The following FAM168A variants were observed in gnomAD, a reference collection of about 807,000 sequenced individuals.
The protein encoded by FAM168A is family with sequence similarity 168 member A, also known as protein FAM168A.
FAM168A carries 3 observed loss-of-function variants against 28.5 expected under a neutral mutation model. The observed-to-expected ratio is 0.11, with a 90% CI of 0.05 to 0.27. The LOEUF is 0.27. FAM168A is among the 10% of genes least tolerant of loss of function. FAM168A has a pLI of 1.00. For synonymous variants in FAM168A, 122 were observed against 124.2 expected, an observed-to-expected ratio of 0.98 and a Z score of 0.12; for missense variants, 222 against 311.5, an observed-to-expected ratio of 0.71 and a Z score of 2.16.
intron 1 of FAM168A, among the ~76,000 whole-genome samples, chr11:73,583,597 A>C (rs2134738293): frequency 6.6e-6 from 1 of 152,294 alleles, no homozygotes; most frequent in South Asian, 2.1e-4. Context: ...ATCACGGAAA[A>C]CCTTCTGGAA....
At chr11:73,461,953 G>A (rs905407687) in intron 2 of FAM168A, among the ~76,000 whole-genome samples, 2 of 152,196 alleles carry the variant, frequency 1.3e-5, no homozygotes, top group Non-Finnish European at 1.5e-5. Context: ...TAAAGAGAGA[G>A]AGAGAGAGAA....
chr11:73,537,564 T>C (rs1943597854), intron 1 of FAM168A, among the ~76,000 whole-genome samples: 1 of 152,144 alleles, frequency 6.6e-6, no homozygotes, highest in South Asian at 2.1e-4. Flanking sequence ...GCAATTCTCA[T>C]ACTTACAAAC....
chr11:73,572,259 GT>G (rs1357926401), intron 1 of FAM168A, among the ~76,000 whole-genome samples: 1 of 149,068 alleles, frequency 6.7e-6, no homozygotes, highest in East Asian at 2.0e-4. Context: ...GAGGTGGGGG[GT>G]CAGCCCCCGC....
At chr11:73,496,287 G>A (rs779793631) in intron 1 of FAM168A, among the ~76,000 whole-genome samples, 55 of 152,342 alleles carry the variant, frequency 3.6e-4, no homozygotes, top group Non-Finnish European at 7.2e-4. Flanking sequence ...GAAACAGAAA[G>A]TAAAATGGTG....
At chr11:73,463,473 G>A (rs920671918) in intron 2 of FAM168A, among the ~76,000 whole-genome samples, 3 of 152,182 alleles carry the variant, frequency 2.0e-5, no homozygotes, top group African/African-American at 7.2e-5. Flanking sequence ...TAATAAGTCT[G>A]AGCAAAGCAT....
chr11:73,576,539 T>TC (rs1944177751), intron 1 of FAM168A, among the ~76,000 whole-genome samples: 1 of 152,160 alleles, frequency 6.6e-6, no homozygotes, highest in Non-Finnish European at 1.5e-5. Context: ...AGCAGTAATT[T>TC]CTAGGAAATT....
chr11:73,459,359 G>A (rs781257869), intron 2 of FAM168A, among the ~76,000 whole-genome samples: 33 of 151,860 alleles, frequency 2.2e-4, no homozygotes, highest in African/African-American at 4.4e-4. Flanking sequence ...GGTGGCATGC[G>A]CCTATAGTCT....
chr11:73,430,683 T>C lies in FAM168A; in HGVS notation c.151+7A>G. The C allele has an allele frequency of 6.2e-7, 1 of 1,612,978 alleles. No homozygotes were observed. The highest frequency in any genetic ancestry group is 8.5e-7 in the Non-Finnish European group (1 of 1,179,208). On this transcript the variant is annotated splice_region_variant and intron_variant, in intron 3 of 7. Transcript: ENST00000356467. ...CATTCGCCACTGCTGTCCCATTTCC[T>C]CCTTACCTGGAGCATAACTGGGACT...
intron 2 of FAM168A, among the ~76,000 whole-genome samples, chr11:73,432,483 G>C (rs1469915470): frequency 6.6e-6 from 1 of 152,096 alleles, no homozygotes; most frequent in African/African-American, 2.4e-5. Context: ...TATAGTAAGT[G>C]TGAAGTGGGA....
chr11:73,526,298 T>A (rs1033389237), intron 1 of FAM168A, among the ~76,000 whole-genome samples: 2 of 152,160 alleles, frequency 1.3e-5, no homozygotes, highest in African/African-American at 2.4e-5. Flanking sequence ...CAATGAGATA[T>A]TTTTCTTTCA....
Position 73,491,700 on chromosome 11 carries a change from G to A in FAM168A, c.-18-23208C>T, listed in dbSNP as rs568214470. Among the ~76,000 whole-genome samples, 5 of 152,312 alleles carry A rather than the reference G, an allele frequency of 3.3e-5. No individual in the cohort carries two copies. The South Asian group carries it at 6.2e-4, about 19-fold the overall frequency. On this transcript the variant is annotated intron_variant, in intron 1 of 7. Transcript: ENST00000356467. ...ACACTGACTCTCATCTCATACGTGGGATGCAGACCTGTTAACCCAGCTATA... is the reference window on the plus strand; with the variant it reads ...ACACTGACTCTCATCTCATACGTGGAATGCAGACCTGTTAACCCAGCTATA...
chr11:73,484,887 A>G (rs1006600143), intron 1 of FAM168A, among the ~76,000 whole-genome samples: 4 of 151,894 alleles, frequency 2.6e-5, no homozygotes, highest in African/African-American at 4.8e-5. Context: ...AAGGACAGGA[A>G]GCATCCAGCA....
rs563399496 is a variant in FAM168A at position 73,598,091 on chromosome 11, A to C, written c.-187T>G. ...AGCGACTCGGCTCTGAATCCTCTGC[A>C]GTAGCCGCCGAGGAGCCCGACGGGT... On this transcript the variant is annotated 5_prime_UTR_variant, in exon 1 of 8. Transcript: ENST00000356467. 2 of 151,462 alleles carry C rather than the reference A, an allele frequency of 1.3e-5. No individual in the cohort carries two copies. Among genetic ancestry groups the C allele is most frequent in the East Asian group, 3.9e-4 (2 of 5,110 alleles). 9.4% of individuals were successfully genotyped at this position (151,462 alleles called of 1,614,324 possible).
chr11:73,582,435 T>TTGGCATGAACCCAGGAGGC (rs1944259590), intron 1 of FAM168A, among the ~76,000 whole-genome samples: 1 of 151,360 alleles, frequency 6.6e-6, no homozygotes, highest in South Asian at 2.1e-4. Flanking sequence ...AGGCAGGAGA[T>TTGGCATGAACCCAGGAGGC]TGGCATGAAC....
intron 1 of FAM168A, among the ~76,000 whole-genome samples, chr11:73,544,044 A>T (rs1193967559): frequency 6.6e-6 from 1 of 152,204 alleles, no homozygotes; most frequent in East Asian, 1.9e-4. Flanking sequence ...AGGCAGGAGG[A>T]TCACTTGAGC....
chr11:73,594,690 A>G (rs1054441218), intron 1 of FAM168A, among the ~76,000 whole-genome samples: 7 of 152,104 alleles, frequency 4.6e-5, no homozygotes, highest in Non-Finnish European at 2.9e-5. Context: ...ACGTGCTACC[A>G]GCTAATTTTT....
At chr11:73,499,261 A>G (rs1425861211) in intron 1 of FAM168A, among the ~76,000 whole-genome samples, 1 of 152,120 alleles carries the variant, frequency 6.6e-6, no homozygotes, top group African/African-American at 2.4e-5. Flanking sequence ...CAGCAGCCCT[A>G]CCTACAGAAG....
chr11:73,580,274 G>A (rs2134733508), intron 1 of FAM168A: 1 of 560,000 alleles, frequency 1.8e-6, no homozygotes, highest in South Asian at 1.4e-5. Flanking sequence ...AGGCTGAAGG[G>A]GATGCTAAAG....
chr11:73,569,825 AAAATAAAT>A (rs111950693), intron 1 of FAM168A, among the ~76,000 whole-genome samples: 42 of 145,820 alleles, frequency 2.9e-4, no homozygotes, highest in Admixed American at 6.8e-4. Flanking sequence ...CTCCACCTCA[AAAATAAAT>A]AAATAAATAA....
Sources: gnomAD v4.1 joint callset for allele counts (sites outside exome capture counted in the v4.1 genomes callset) on GRCh38, gnomAD v4.1.1 for gene constraint, MANE v1.5 for transcripts, NCBI Gene and HGNC (gene_info 2026-07-23, HGNC 2026-07-21) for gene names.